LRP2: variants seen among roughly 807,000 people sequenced by gnomAD.
LRP2 encodes the protein LDL receptor related protein 2, also known as low-density lipoprotein receptor-related protein 2.
LRP2 carries 172 observed loss-of-function variants against 531.0 expected under a neutral mutation model. The ratio of observed to expected loss-of-function variants is 0.32; its 90% confidence interval spans 0.29 to 0.37. LRP2 has a LOEUF of 0.37. Among genes scored for constraint, LRP2 ranks in the 10% least tolerant of loss-of-function variants. The pLI is 1.00. For synonymous variants in LRP2, 1,992 were observed against 2,027.6 expected (o/e 0.98, Z 0.47); for missense variants, 5,167 against 5,868.3 (o/e 0.88, Z 3.90).
intron 16 of LRP2, among the ~76,000 whole-genome samples, chr2:169,261,302 T>C (rs1690538119): frequency 6.6e-6 from 1 of 151,952 alleles, no homozygotes; most frequent in African/African-American, 2.4e-5. Context: ...TCCTGAGGGC[T>C]TCATTCAGCT....
At chr2:169,341,860 G>A (rs566410004) in intron 1 of LRP2, among the ~76,000 whole-genome samples, 3 of 152,068 alleles carry the variant, frequency 2.0e-5, no homozygotes, top group South Asian at 2.1e-4. Flanking sequence ...GTGTATGACC[G>A]CTCTTATTAC....
intron 4 of LRP2, among the ~76,000 whole-genome samples, chr2:169,303,477 C>G (rs1311051167): frequency 6.6e-6 from 1 of 152,080 alleles, no homozygotes; most frequent in Non-Finnish European, 1.5e-5. Context: ...ACTGGCAGTT[C>G]CCTTTCCCAC....
chr2:169,263,714 C>A (rs1458920516), intron 16 of LRP2, among the ~76,000 whole-genome samples: 24 of 152,088 alleles, frequency 1.6e-4, no homozygotes, highest in South Asian at 1.0e-3. Flanking sequence ...TAGAACTAGA[C>A]ATACCATTTG....
At chr2:169,211,391 G>C (rs1421782616) in intron 37 of LRP2, among the ~76,000 whole-genome samples, 1 of 152,160 alleles carries the variant, frequency 6.6e-6, no homozygotes, top group African/African-American at 2.4e-5. Context: ...TACATTCACA[G>C]TATGTAAGCA....
In LRP2 at chr2:169,280,507, G is replaced by C; in HGVS notation, c.1184C>G (p.Ser395Cys). ...CKANDSFGEA[S>C]IIFSNGRDLL... ...ATCCCGACCATTGGAGAAGATAATG[G>C]AGGCCTCGCCAACTAAATGCGAAGA... The change falls in exon 11 of 79, where the codon TCC becomes TGC. Residue 395 changes from serine to cysteine, a missense_variant. Transcript: ENST00000649046. 1 of 1,614,096 alleles carries C rather than the reference G, an allele frequency of 6.2e-7. No homozygotes were observed. Among genetic ancestry groups the C allele is most frequent in the Non-Finnish European group, 8.5e-7 (1 of 1,180,014 alleles).
At chr2:169,131,446 T>A (rs571991773) in intron 77 of LRP2, among the ~76,000 whole-genome samples, 3 of 152,318 alleles carry the variant, frequency 2.0e-5, no homozygotes, top group African/African-American at 7.2e-5. Context: ...GTTACCAAGA[T>A]ATCAATGTTT....
chr2:169,325,254 T>C (rs1227707149), intron 1 of LRP2, among the ~76,000 whole-genome samples: 1 of 152,172 alleles, frequency 6.6e-6, no homozygotes, highest in Non-Finnish European at 1.5e-5. Flanking sequence ...ATTTCCCCGC[T>C]AGATCCTCTT....
Position 169,233,589 on chromosome 2 carries a change from C to T in LRP2, c.4921-1G>A. On this transcript the variant is annotated splice_acceptor_variant, in intron 29 of 78. Transcript: ENST00000649046. LOFTEE classifies it high-confidence loss of function. ...TTAGGGCATAGGGGTGCCGTATAAT[C>T]TGTGAGGCAGAAGAGAACAGTGAGA... The T allele has an allele frequency of 6.2e-7, 1 of 1,614,124 alleles. No individual in the cohort carries two copies. Among genetic ancestry groups the T allele is most frequent in the Non-Finnish European group, 8.5e-7 (1 of 1,179,996 alleles).
At chr2:169,302,569 A>T (rs1490295305) in intron 4 of LRP2, among the ~76,000 whole-genome samples, 1 of 152,152 alleles carries the variant, frequency 6.6e-6, no homozygotes, top group Non-Finnish European at 1.5e-5. Context: ...TCTACAATGC[A>T]CAAGAAAGAA....
chr2:169,183,202 T>C (rs1687504515), intron 50 of LRP2, among the ~76,000 whole-genome samples: 1 of 152,212 alleles, frequency 6.6e-6, no homozygotes, highest in Non-Finnish European at 1.5e-5. Flanking sequence ...CCTGAATGCC[T>C]CTTTGCAACA....
intron 31 of LRP2, among the ~76,000 whole-genome samples, chr2:169,229,791 C>T (rs970299242): frequency 1.3e-5 from 2 of 152,104 alleles, no homozygotes; most frequent in Non-Finnish European, 2.9e-5. Flanking sequence ...CAATATTGTG[C>T]AATATCTGCT....
chr2:169,326,650 G>C (rs1300597849), intron 1 of LRP2, among the ~76,000 whole-genome samples: 7 of 152,166 alleles, frequency 4.6e-5, no homozygotes, highest in Admixed American at 3.9e-4. Flanking sequence ...CGTCTGGGAA[G>C]TGAGGAGCGT....
intron 1 of LRP2, among the ~76,000 whole-genome samples, chr2:169,327,337 C>T (rs1418692659): frequency 7.5e-6 from 1 of 132,712 alleles, no homozygotes; most frequent in African/African-American, 2.9e-5. Context: ...GCCCGGCCAG[C>T]CGCCCCATCC....
intron 53 of LRP2, 62 bp from the exon 54 acceptor site, chr2:169,176,650 G>A: frequency 7.0e-7 from 1 of 1,423,252 alleles, no homozygotes; most frequent in East Asian, 2.3e-5. Context: ...GCACAGATTA[G>A]CTGATTACAC....
At chr2:169,328,814 C>T (rs1031332994) in intron 1 of LRP2, among the ~76,000 whole-genome samples, 1 of 152,212 alleles carries the variant, frequency 6.6e-6, no homozygotes, top group African/African-American at 2.4e-5. Flanking sequence ...AGAGCCTGTA[C>T]TTATTTCATC....
chr2:169,248,676 CGTGAGCGACGCAGAAGACG>C (rs1690110143), intron 19 of LRP2, among the ~76,000 whole-genome samples: 1 of 123,988 alleles, frequency 8.1e-6, no homozygotes, highest in East Asian at 2.0e-4. Flanking sequence ...CAGCTCCCAG[CGTGAGCGACGCAGAAGACG>C]GTGATTTCTG....
At chr2:169,357,271 T>C (rs924878532) in intron 1 of LRP2, among the ~76,000 whole-genome samples, 2 of 148,688 alleles carry the variant, frequency 1.3e-5, no homozygotes, top group African/African-American at 5.0e-5. Flanking sequence ...CTTTTCTTTT[T>C]TTTTTCTTTT....
rs746766990 is a variant in LRP2, at chr2:169,182,185, G to A, written c.9980C>T (p.Ala3327Val). 6.2e-7 allele frequency: 1 copy of A among 1,614,128 alleles called. No homozygotes were observed. Among genetic ancestry groups the A allele is most frequent in the South Asian group, 1.1e-5 (1 of 91,078 alleles). ...TFCFDNPRGL[A>V]LHPQYGYLYW... is the part of the protein sequence containing the mutation. ...ACAATACCCATATTGAGGGTGAAGG[G>A]CAAGTCCTCTGGGATTATCAAAGCA... The change falls in exon 51 of 79, where the codon GCC (alanine) becomes GTC (valine). Residue 3327 changes from alanine to valine, a missense_variant. Physicochemically the swap from Ala to Val is moderately conservative, Grantham distance 64. Transcript: ENST00000649046.
chr2:169,317,508 A>G (rs1450973699), intron 3 of LRP2, among the ~76,000 whole-genome samples: 3 of 152,206 alleles, frequency 2.0e-5, no homozygotes, highest in African/African-American at 7.2e-5. Flanking sequence ...AAAAAGTGAG[A>G]AAAAGCTGGA....
Sources: gnomAD v4.1 joint callset for allele counts (sites outside exome capture counted in the v4.1 genomes callset) on GRCh38, gnomAD v4.1.1 for gene constraint, MANE v1.5 for transcripts, NCBI Gene and HGNC (gene_info 2026-07-23, HGNC 2026-07-21) for gene names.